The following TSPAN2 variants were observed in gnomAD, a reference collection of about 807,000 sequenced individuals.
TSPAN2 encodes the protein tetraspanin 2.
In TSPAN2, 24 loss-of-function variants were observed where a neutral mutation model predicts 33.3. The observed-to-expected ratio is 0.72, with a 90% CI of 0.52 to 1.01. The LOEUF is 1.01. TSPAN2 is among the 50% of genes least tolerant of loss of function. The probability of loss-of-function intolerance (pLI) is 0.00; values close to 1 mark genes in which losing one functional copy is unlikely to be tolerated. For synonymous variants in TSPAN2, 114 were observed against 104.5 expected (o/e 1.09, Z -0.56); for missense variants, 278 against 281.3 (o/e 0.99, Z 0.08).
At chr1:115,080,220 G>C (rs572931454) in intron 1 of TSPAN2, among the ~76,000 whole-genome samples, 6 of 152,158 alleles carry the variant, frequency 3.9e-5, no homozygotes, top group Non-Finnish European at 7.4e-5. Flanking sequence ...AACAATACAG[G>C]GAGAAGGAGA....
rs1455766542 is a variant in TSPAN2 at position 115,050,422 on chromosome 1, G to T, written c.*68C>A. The T allele has an allele frequency of 4.4e-6, 6 of 1,361,304 alleles. No individual in the cohort carries two copies. In the Admixed American group the frequency reaches 8.5e-5, roughly 19 times the overall value. 84.3% of individuals were successfully genotyped at this position (1,361,304 alleles called of 1,614,324 possible). On this transcript the variant is annotated 3_prime_UTR_variant, in exon 8 of 8. Transcript: ENST00000369516. ...AATGTCATTTCAGTGTTAAAAATGAGCTGGGAGACAGCTCCTGTGACATTT... is the reference window on the plus strand; with the variant it reads ...AATGTCATTTCAGTGTTAAAAATGATCTGGGAGACAGCTCCTGTGACATTT...
chr1:115,057,666 T>A, intron 5 of TSPAN2, 58 bp from the exon 6 acceptor site: 1 of 1,549,698 alleles, frequency 6.5e-7, no homozygotes, highest in Non-Finnish European at 8.9e-7. Flanking sequence ...GCTACAAGTC[T>A]GGGCACCCTG....
At position 115,058,783 on chromosome 1, in the gene TSPAN2, C is replaced by T. The variant is rs1192434974; in HGVS notation, c.444+100G>A. 8 of 1,103,722 alleles carry T rather than the reference C, an allele frequency of 7.2e-6. 1 individual carries two copies. The highest frequency in any genetic ancestry group is 3.1e-5 in the African/African-American group (2 of 63,736). The allele number at this position is 1,103,722 out of a possible 1,614,324, so 68.4% of individuals were successfully genotyped here. A position where few individuals can be genotyped will look rare whatever the true frequency, so the allele number is the denominator to read the frequency against. On this transcript the variant is annotated intron_variant, in intron 5 of 7. Coordinates refer to ENST00000369516, the MANE Select transcript of TSPAN2 (RefSeq NM_005725.6). ...AAATAGGTGGTGCTACTTGGCTTTA[C>T]TGAATTTATTTTTATTTTTAATCCT...
At chr1:115,074,170 C>A (rs1290794633) in intron 1 of TSPAN2, among the ~76,000 whole-genome samples, 1 of 152,154 alleles carries the variant, frequency 6.6e-6, no homozygotes, top group Non-Finnish European at 1.5e-5. Context: ...GGAACAGGAG[C>A]ATGGAGGATG....
chr1:115,059,281 T>A lies in TSPAN2; in HGVS notation c.346-300A>T, dbSNP rs79063024. ...CTGTTCCCCACAAAACCTGTAGAAA[T>A]AAAAAAAAATACTGCCTTTCCATAG... On this transcript the variant is annotated intron_variant, in intron 4 of 7. Coordinates refer to ENST00000369516, the MANE Select transcript of TSPAN2 (RefSeq NM_005725.6). Among the ~76,000 whole-genome samples the A allele has an allele frequency of 6.6e-6, 1 of 151,216 alleles. No individual in the cohort carries two copies. Among genetic ancestry groups the A allele is most frequent in the Non-Finnish European group, 1.5e-5 (1 of 67,802 alleles).
chr1:115,088,781 G>T (rs1252617064), intron 1 of TSPAN2, among the ~76,000 whole-genome samples: 1 of 151,848 alleles, frequency 6.6e-6, no homozygotes, highest in African/African-American at 2.4e-5. Flanking sequence ...TCACCCAGGG[G>T]TACTCTTACC....
In TSPAN2 at chr1:115,057,625, G is replaced by C. The variant is rs373441274; in HGVS notation, c.445-17C>G. On this transcript the variant is annotated splice_polypyrimidine_tract_variant and intron_variant, in intron 5 of 7. Coordinates refer to ENST00000369516, the MANE Select transcript of TSPAN2 (RefSeq NM_005725.6). The stretch of plus-strand genomic sequence containing the variant: ...GCACTGAAACTAGAGAGTCAGAAAA[G>C]AGACTTCAGGACCAGGCGGGAGGAG... 1.9e-6 allele frequency: 3 copies of C among 1,613,502 alleles called. No individual in the cohort carries two copies. The highest frequency in any genetic ancestry group is 2.5e-6 in the Non-Finnish European group (3 of 1,179,534).
intron 6 of TSPAN2, among the ~76,000 whole-genome samples, chr1:115,056,243 T>G (rs1244343981): frequency 2.0e-5 from 3 of 152,244 alleles, no homozygotes; most frequent in Non-Finnish European, 4.4e-5. Context: ...ATATTTTCTA[T>G]ATGTTTAATG....
At position 115,048,923 on chromosome 1, in the gene TSPAN2, A is replaced by G. The variant is rs1324934809; in HGVS notation, c.*1567T>C. The G allele has an allele frequency of 1.3e-5, 2 of 152,158 alleles. No individual in the cohort carries two copies. The highest frequency in any genetic ancestry group is 1.3e-4 in the Admixed American group (2 of 15,282). The allele number at this position is 152,158 out of a possible 1,614,324, so 9.4% of individuals were successfully genotyped here. On this transcript the variant is annotated 3_prime_UTR_variant, in exon 8 of 8. Coordinates refer to ENST00000369516, the MANE Select transcript of TSPAN2 (RefSeq NM_005725.6). ...GGCAGAAAGAGAAATGTGGTTCTCC[A>G]TGGGAGAGAGACTATTTCAAGCAGT...
chr1:115,072,223 C>T (rs1648207754), intron 2 of TSPAN2, among the ~76,000 whole-genome samples: 1 of 152,110 alleles, frequency 6.6e-6, no homozygotes, highest in South Asian at 2.1e-4. Flanking sequence ...CACCCCACCC[C>T]ACACTCCTCA....
At chr1:115,083,938 T>A (rs1648731406) in intron 1 of TSPAN2, among the ~76,000 whole-genome samples, 1 of 152,216 alleles carries the variant, frequency 6.6e-6, no homozygotes, top group South Asian at 2.1e-4. Context: ...AATAAAGGCA[T>A]GAGTGCCTCA....
Position 115,058,873 on chromosome 1 carries a change from A to C in TSPAN2, c.444+10T>G, listed in dbSNP as rs1372248524. On this transcript the variant is annotated intron_variant, in intron 5 of 7. Transcript: ENST00000369516. Reference sequence around the variant, plus strand: ...AGCTGTGATTTTAAGGAAGAAGTGAAGTTACTCACTGTTGAGTGGAAGGTG... The same window carrying C: ...AGCTGTGATTTTAAGGAAGAAGTGACGTTACTCACTGTTGAGTGGAAGGTG... 6.3e-7 allele frequency: 1 copy of C among 1,589,484 alleles called. No individual in the cohort carries two copies. The highest frequency in any genetic ancestry group is 1.1e-5 in the South Asian group (1 of 90,544).
chr1:115,076,027 TC>T (rs34412379), intron 1 of TSPAN2, among the ~76,000 whole-genome samples: 39,349 of 152,028 alleles, frequency 0.26, 5,438 homozygotes, highest in Non-Finnish European at 0.31. Context: ...TGGTAGATAG[TC>T]ACATAAAGTA....
chr1:115,088,929 G>A (rs886613303), intron 1 of TSPAN2, among the ~76,000 whole-genome samples: 1 of 152,090 alleles, frequency 6.6e-6, no homozygotes, highest in Non-Finnish European at 1.5e-5. Flanking sequence ...CCCAGGGCAG[G>A]GGTTTCTCTC....
chr1:115,059,653 G>GT lies in TSPAN2; in HGVS notation c.346-673dup, dbSNP rs1181306978. ...TAAAGCTTAGAGAATGCTTTTTCTA[G>GT]TATAAAAGCTTGTGATTTCAAATCC... is the stretch of plus-strand genomic sequence containing the variant. On this transcript the variant is annotated intron_variant, in intron 4 of 7. Coordinates refer to ENST00000369516, the MANE Select transcript of TSPAN2 (RefSeq NM_005725.6). Among the ~76,000 whole-genome samples, 3 of 152,308 alleles carry GT rather than the reference G, an allele frequency of 2.0e-5. No individual in the cohort carries two copies. In the South Asian group the frequency reaches 6.2e-4, roughly 32 times the overall value.
chr1:115,071,722 A>AGAATC (rs1648181696), intron 2 of TSPAN2, among the ~76,000 whole-genome samples: 1 of 152,178 alleles, frequency 6.6e-6, no homozygotes, highest in Non-Finnish European at 1.5e-5. Flanking sequence ...GAATGTCCTT[A>AGAATC]TTGTTATCCA....
chr1:115,089,239 G>T (rs531892302), intron 1 of TSPAN2, 125 bp downstream of exon 1: 5 of 703,286 alleles, frequency 7.1e-6, no homozygotes, highest in Non-Finnish European at 1.1e-5. Flanking sequence ...TCGCCTCCGC[G>T]TTTGAGCACC....
rs150006304 is a variant in TSPAN2 at position 115,057,757 on chromosome 1, G to A, written c.445-149C>T. ...CCAGACTGCTATTTCTGGAAGGAGA[G>A]TGAAGAATCACATAATCATGCTGGC... On this transcript the variant is annotated intron_variant, in intron 5 of 7. Coordinates refer to ENST00000369516, the MANE Select transcript of TSPAN2 (RefSeq NM_005725.6). 7 of 709,054 alleles carry A rather than the reference G, an allele frequency of 9.9e-6. No individual in the cohort carries two copies. The Admixed American group carries it at 1.6e-4, about 16-fold the overall frequency. The allele number at this position is 709,054 out of a possible 1,614,324, so 43.9% of individuals were successfully genotyped here.
At chr1:115,058,714 T>C (rs547228496) in intron 5 of TSPAN2, among the ~76,000 whole-genome samples, 169 bp downstream of exon 5, 1 of 152,360 alleles carries the variant, frequency 6.6e-6, no homozygotes, top group East Asian at 1.9e-4. Context: ...CTTTCCCTTC[T>C]AGGGTTCCAC....
Sources: gnomAD v4.1 joint callset for allele counts (sites outside exome capture counted in the v4.1 genomes callset) on GRCh38, gnomAD v4.1.1 for gene constraint, MANE v1.5 for transcripts, NCBI Gene and HGNC (gene_info 2026-07-23, HGNC 2026-07-21) for gene names.